The following OMA1 variants were observed in gnomAD, a reference collection of about 807,000 sequenced individuals.
OMA1 encodes the protein OMA1 zinc metallopeptidase, also known as metalloendopeptidase OMA1, mitochondrial.
A neutral mutation model predicts 30.9 loss-of-function variants in OMA1; 38 were observed. The ratio of observed to expected loss-of-function variants is 1.23; its 90% CI spans 0.95 to 1.61. The LOEUF is 1.61. Among genes scored for constraint, OMA1 ranks in the 40% most tolerant of loss-of-function variants. The pLI, the probability that OMA1 is intolerant of heterozygous loss-of-function variation, is 0.00. For missense variants in OMA1, 461 were observed against 349.2 expected, an observed-to-expected ratio of 1.32 and a Z score of -2.55; for synonymous variants, 173 against 121.9, an observed-to-expected ratio of 1.42 and a Z score of -2.76.
intron 7 of OMA1, among the ~76,000 whole-genome samples, chr1:58,516,804 G>C (rs1158366585): frequency 6.6e-6 from 1 of 152,122 alleles, no homozygotes; most frequent in East Asian, 1.9e-4. Flanking sequence ...CATAAAATCA[G>C]AATGCCAACT....
intron 7 of OMA1, among the ~76,000 whole-genome samples, chr1:58,520,006 C>A (rs560095373): frequency 6.6e-6 from 1 of 152,024 alleles, no homozygotes. Context: ...AAGTGATTAG[C>A]CTATTGCATG....
intron 2 of OMA1, among the ~76,000 whole-genome samples, chr1:58,537,266 T>C (rs374051829): frequency 4.7e-4 from 71 of 152,268 alleles, no homozygotes; most frequent in African/African-American, 1.6e-3. Context: ...TAAATAATTA[T>C]GTAAGAGGTT....
chr1:58,546,263 C>G (rs1646702698), intron 1 of OMA1, among the ~76,000 whole-genome samples: 1 of 152,236 alleles, frequency 6.6e-6, no homozygotes, highest in Non-Finnish European at 1.5e-5. Context: ...ATGCCCGACG[C>G]GCCGGGAGGC....
At chr1:58,509,564 TAAAC>T (rs1553123299) in intron 7 of OMA1, among the ~76,000 whole-genome samples, 7 of 75,410 alleles carry the variant, frequency 9.3e-5, no homozygotes, top group Non-Finnish European at 2.0e-4. Context: ...AGCAAGCAAA[TAAAC>T]TAACTTTATA....
chr1:58,495,887 T>C (rs1425183834), intron 8 of OMA1, among the ~76,000 whole-genome samples: 2 of 152,198 alleles, frequency 1.3e-5, no homozygotes, highest in African/African-American at 4.8e-5. Context: ...ATTCTTACTC[T>C]TGTATGCCTT....
rs1459141521 is a variant in OMA1 at position 58,522,287 on chromosome 1, C to A, written c.1215+4974G>T. On this transcript the variant is annotated intron_variant, in intron 7 of 8. Transcript: ENST00000371226. Reference sequence around the variant, plus strand: ...GACACATATTTATTAATGTAACAAACCTGCACATCTGCACATGTACCCTGG... The same window carrying A: ...GACACATATTTATTAATGTAACAAAACTGCACATCTGCACATGTACCCTGG... 9.2e-5 allele frequency among the ~76,000 whole-genome samples: 14 copies of A among 152,098 alleles called. No homozygotes were observed. In the East Asian group the frequency reaches 2.7e-3, roughly 29 times the overall value.
Position 58,505,080 on chromosome 1 carries a change from G to A in OMA1, c.1365+980C>T, listed in dbSNP as rs550302824. The stretch of plus-strand genomic sequence containing the variant: ...CGATTCCCCTGCCTCAATCTCCCGA[G>A]TAGCTGGGATTACAGGCGCATGCCA... On this transcript the variant is annotated intron_variant, in intron 8 of 8. Transcript: ENST00000371226. 6.6e-5 allele frequency among the ~76,000 whole-genome samples: 10 copies of A among 152,166 alleles called. No homozygotes were observed. In the East Asian group the frequency reaches 9.7e-4, roughly 15 times the overall value.
At chr1:58,528,577 T>C (rs1231727626) in intron 6 of OMA1, among the ~76,000 whole-genome samples, 1 of 152,166 alleles carries the variant, frequency 6.6e-6, no homozygotes, top group African/African-American at 2.4e-5. Flanking sequence ...GCTACTGACA[T>C]CTAGGGAATG....
intron 8 of OMA1, among the ~76,000 whole-genome samples, chr1:58,489,468 C>T (rs1424757102): frequency 1.3e-5 from 2 of 152,234 alleles, no homozygotes; most frequent in African/African-American, 4.8e-5. Context: ...GTGGAGCCCA[C>T]TGCAGCTCAA....
intron 8 of OMA1, among the ~76,000 whole-genome samples, chr1:58,488,656 T>G (rs1428924390): frequency 6.6e-6 from 1 of 152,220 alleles, no homozygotes; most frequent in Non-Finnish European, 1.5e-5. Context: ...TTCTCCATGT[T>G]GGTCAGGCTG....
intron 7 of OMA1, among the ~76,000 whole-genome samples, chr1:58,522,035 T>C (rs190328409): frequency 1.8e-4 from 28 of 152,242 alleles, no homozygotes; most frequent in Admixed American, 1.8e-3. Context: ...ATTCTAGCAA[T>C]ATATTAAGGG....
At chr1:58,519,838 G>A (rs959428305) in intron 7 of OMA1, among the ~76,000 whole-genome samples, 2 of 152,148 alleles carry the variant, frequency 1.3e-5, no homozygotes, top group African/African-American at 4.8e-5. Context: ...ATTTATAAAA[G>A]AGCATCAAAG....
intron 8 of OMA1, among the ~76,000 whole-genome samples, chr1:58,490,607 C>A (rs1426787432): frequency 2.6e-5 from 4 of 151,974 alleles, no homozygotes; most frequent in African/African-American, 9.7e-5. Flanking sequence ...CAAAGATACT[C>A]CTCGAGAAGA....
chr1:58,493,668 T>C (rs1371541312), intron 8 of OMA1, among the ~76,000 whole-genome samples: 4 of 151,600 alleles, frequency 2.6e-5, no homozygotes, highest in South Asian at 4.2e-4. Context: ...CCATTCACAA[T>C]TGCTTCAAAG....
At chr1:58,502,403 A>G (rs577344175) in intron 8 of OMA1, among the ~76,000 whole-genome samples, 1 of 152,302 alleles carries the variant, frequency 6.6e-6, no homozygotes, top group African/African-American at 2.4e-5. Context: ...GAACTCATCC[A>G]TTCTCATTGC....
intron 7 of OMA1, among the ~76,000 whole-genome samples, chr1:58,524,714 T>A (rs370226708): frequency 1.4e-4 from 21 of 152,274 alleles, no homozygotes; most frequent in South Asian, 1.0e-3. Flanking sequence ...GCAACTCAAC[T>A]TTTTCTTGTA....
rs1044771487 is a variant in OMA1, at chr1:58,515,965, T to C, written c.1216-9756A>G. 4.6e-5 allele frequency among the ~76,000 whole-genome samples: 7 copies of C among 152,330 alleles called. No homozygotes were observed. The South Asian group carries it at 1.4e-3, about 32-fold the overall frequency. ...TCTCATTTCTGTGATGAAAAATAGA[T>C]TTTGCTTATTACCTAATGCCCTCAC... On this transcript the variant is annotated intron_variant, in intron 7 of 8. Coordinates refer to ENST00000371226, the MANE Select transcript of OMA1 (RefSeq NM_145243.5).
intron 7 of OMA1, among the ~76,000 whole-genome samples, chr1:58,513,113 A>C (rs1646107106): frequency 6.6e-6 from 1 of 152,064 alleles, no homozygotes; most frequent in Admixed American, 6.6e-5. Flanking sequence ...GTGTCGAGGG[A>C]GGGACTTGGT....
chr1:58,541,614 CAAAAA>C (rs60360589), intron 1 of OMA1: 8 of 65,622 alleles, frequency 1.2e-4, no homozygotes, highest in African/African-American at 4.2e-4. Flanking sequence ...GAGAACCTGT[CAAAAA>C]AAAAAAAAAA....
Sources: allele counts gnomAD v4.1 joint callset (sites outside exome capture counted in the v4.1 genomes callset), GRCh38; gene constraint gnomAD v4.1.1; transcripts MANE v1.5; gene names NCBI Gene and HGNC (gene_info 2026-07-23, HGNC 2026-07-21).